ADGRG1: variants seen among roughly 807,000 people sequenced by gnomAD.
ADGRG1 encodes the protein adhesion G protein-coupled receptor G1.
ADGRG1 carries 53 observed loss-of-function variants against 73.5 expected under a neutral mutation model. That is an observed-to-expected ratio of 0.72 (90% CI 0.58 to 0.91). The LOEUF (loss-of-function observed/expected upper bound fraction) is 0.91, where lower values mean the gene tolerates loss of function less well. ADGRG1 is among the 40% of genes least tolerant of loss of function. The probability of loss-of-function intolerance (pLI) is 0.00; values close to 1 mark genes in which losing one functional copy is unlikely to be tolerated. For missense variants in ADGRG1, 795 were observed against 871.8 expected, an observed-to-expected ratio of 0.91 and a Z score of 1.11; for synonymous variants, 394 against 374.4, an observed-to-expected ratio of 1.05 and a Z score of -0.60.
chr16:57,644,749 C>T (rs1182686879), intron 1 of ADGRG1, among the ~76,000 whole-genome samples: 1 of 136,478 alleles, frequency 7.3e-6, no homozygotes, highest in Non-Finnish European at 1.6e-5. Flanking sequence ...CACACGTATG[C>T]ACGGGCACAC....
In ADGRG1 at chr16:57,631,799, C is replaced by T. The variant is rs2038012375; in HGVS notation, c.-36+2997C>T. 1.3e-5 allele frequency: 13 copies of T among 985,344 alleles called. No individual in the cohort carries two copies. In the South Asian group the frequency reaches 5.2e-4, roughly 39 times the overall value. 61.0% of individuals were successfully genotyped at this position (985,344 alleles called of 1,614,324 possible). A position where few individuals can be genotyped will look rare whatever the true frequency, so the allele number is the denominator to read the frequency against. ...TCCTGAGCCGTCACTTGGCTGAGAC[C>T]CTGCCCCTCCTCCTGTCTCTGGTGC... On this transcript the variant is annotated intron_variant, in intron 1 of 13. Coordinates refer to ENST00000562631, the MANE Select transcript of ADGRG1 (RefSeq NM_201525.4).
At chr16:57,623,669 C>G (rs968568373), upstream of ADGRG1, 2 of 380,688 alleles carry the variant, frequency 5.3e-6, no homozygotes, top group Admixed American at 1.3e-4. Context: ...GTGGGGGAGG[C>G]GGGCCTAGGG....
intron 1 of ADGRG1, chr16:57,631,729 T>C: frequency 2.1e-6 from 2 of 944,348 alleles, no homozygotes; most frequent in Non-Finnish European, 2.5e-6. Context: ...TCAAACCGGG[T>C]GGGGCGGGGC....
At chr16:57,636,387 G>T (rs1018905491) in intron 1 of ADGRG1, 28 of 985,366 alleles carry the variant, frequency 2.8e-5, no homozygotes, top group African/African-American at 2.4e-4. Flanking sequence ...ACTTCTCAGA[G>T]CCTTTATCGG....
rs112805221 is a variant in ADGRG1 at position 57,659,407 on chromosome 16, G to A, written c.1287-6G>A. 352 of 1,613,204 alleles carry A rather than the reference G, an allele frequency of 2.2e-4. 1 individual carries two copies. Among genetic ancestry groups the A allele is most frequent in the Middle Eastern group, 1.6e-3 (10 of 6,084 alleles). On this transcript the variant is annotated splice_polypyrimidine_tract_variant and splice_region_variant and intron_variant, in intron 10 of 13. Coordinates refer to ENST00000562631, the MANE Select transcript of ADGRG1 (RefSeq NM_201525.4). ...ACTGGCCCACCAGGGTGCCCCTGCC[G>A]TGCAGGAGGAAACCTCGGGACTACA...
chr16:57,620,435 C>T (rs544892883), upstream of ADGRG1, among the ~76,000 whole-genome samples: 8 of 152,290 alleles, frequency 5.3e-5, no homozygotes, highest in South Asian at 2.1e-4. Context: ...CACTGCAGGA[C>T]GCAGGGCAAG....
chr16:57,646,286 C>T (rs1439454459), intron 1 of ADGRG1: 3 of 728,136 alleles, frequency 4.1e-6, no homozygotes, highest in Non-Finnish European at 5.0e-6. Flanking sequence ...TGGGTCCCCA[C>T]TGCCCACCGT....
At chr16:57,620,595 G>C (rs2034598009), upstream of ADGRG1, among the ~76,000 whole-genome samples, 1 of 152,138 alleles carries the variant, frequency 6.6e-6, no homozygotes, top group Non-Finnish European at 1.5e-5. Flanking sequence ...TTTGACTTTT[G>C]ACTGGGGAGG....
chr16:57,656,229 A>G lies in ADGRG1; in HGVS notation c.1021A>G (p.Asn341Asp). The G allele has an allele frequency of 6.2e-7, 1 of 1,613,686 alleles. No homozygotes were observed. The highest frequency in any genetic ancestry group is 1.6e-4 in the Middle Eastern group (1 of 6,062). Reference sequence around the variant, plus strand: ...CTCTCCTTTCTTGTCCCTACAGAAGAATGTGACTCTGCAATGTGTGTTCTG... The same window carrying G: ...CTCTCCTTTCTTGTCCCTACAGAAGGATGTGACTCTGCAATGTGTGTTCTG... The part of the protein sequence containing the change: ...LTFQHQLQPK[N>D]VTLQCVFWVE... Residue 341 changes from asparagine to aspartate, a missense_variant, in exon 8 of 14, where the codon AAT becomes GAT. Asn to Asp is a conservative substitution (Grantham distance 23). Coordinates refer to ENST00000562631, the MANE Select transcript of ADGRG1 (RefSeq NM_201525.4).
intron 1 of ADGRG1, chr16:57,635,245 C>A (rs2039061550): frequency 2.3e-5 from 23 of 985,206 alleles, no homozygotes; most frequent in Non-Finnish European, 2.8e-5. Context: ...CTGGAAGAAA[C>A]CCTCGTGCAC....
upstream of ADGRG1, among the ~76,000 whole-genome samples, chr16:57,623,552 G>A (rs188716902): frequency 2.6e-5 from 4 of 152,356 alleles, no homozygotes; most frequent in East Asian, 7.7e-4. Flanking sequence ...TGGTCCTGAA[G>A]CACCACTAGA....
rs2047146179 is a variant in ADGRG1 at position 57,661,737 on chromosome 16, C to T, written c.1705C>T (p.Leu569=). Residue 569 remains leucine (L), a synonymous_variant, in exon 13 of 14, where the codon CTG becomes TTG. Transcript: ENST00000562631. The part of the protein sequence containing the change: ...RDSLVSYITN[L]GLFSLVFLFN... Reference sequence around the variant, plus strand: ...CTCCCTGGTCAGCTACATCACCAACCTGGGCCTCTTCAGCCTGGTGTTTCT... The same window carrying T: ...CTCCCTGGTCAGCTACATCACCAACTTGGGCCTCTTCAGCCTGGTGTTTCT... 1.9e-6 allele frequency: 3 copies of T among 1,614,180 alleles called. No homozygotes were observed. The highest frequency in any genetic ancestry group is 2.5e-6 in the Non-Finnish European group (3 of 1,180,026).
At chr16:57,659,120 CTT>C in intron 10 of ADGRG1, 2 of 985,278 alleles carry the variant, frequency 2.0e-6, no homozygotes, top group Non-Finnish European at 2.4e-6. Flanking sequence ...TCCGCTCTGA[CTT>C]TGAGAGTATC....
At chr16:57,622,872 G>A (rs1401234605), upstream of ADGRG1, 19 of 985,330 alleles carry the variant, frequency 1.9e-5, no homozygotes, top group Non-Finnish European at 2.2e-5. Context: ...TGGAGGCCCA[G>A]CCAGCCTGAA....
At position 57,653,249 on chromosome 16, in the gene ADGRG1, G is replaced by A. The variant is rs1156491756; in HGVS notation, c.534G>A (p.Glu178=). Residue 178 remains glutamate (E), a synonymous_variant, in exon 4 of 14, where the codon GAG becomes GAA. Transcript: ENST00000562631. ...ACAATGCCTCGGTGGACATGTGCGAGCTCAAAAGGGACCTCCAGCTGCTCA... is the reference window on the plus strand; with the variant it reads ...ACAATGCCTCGGTGGACATGTGCGAACTCAAAAGGGACCTCCAGCTGCTCA... ...AAHNASVDMC[E]LKRDLQLLSQ... The A allele has an allele frequency of 6.2e-7, 1 of 1,612,520 alleles. No individual in the cohort carries two copies. Among genetic ancestry groups the A allele is most frequent in the South Asian group, 1.1e-5 (1 of 91,072 alleles).
intron 3 of ADGRG1, chr16:57,652,797 A>G: frequency 3.7e-6 from 4 of 1,085,974 alleles, no homozygotes; most frequent in Non-Finnish European, 4.5e-6. Flanking sequence ...CGCCCACGCT[A>G]CCTGGGCAGA....
At chr16:57,659,769 ATCTC>A in intron 11 of ADGRG1, 88 bp downstream of exon 11, 1 of 1,411,294 alleles carries the variant, frequency 7.1e-7, no homozygotes, top group Non-Finnish European at 9.9e-7. Flanking sequence ...CTCTCCACCT[ATCTC>A]TCTGACTTCC....
chr16:57,656,014 A>C (rs371380903), intron 7 of ADGRG1, 22 bp downstream of exon 7: 1 of 1,613,938 alleles, frequency 6.2e-7, no homozygotes, highest in Non-Finnish European at 8.5e-7. Flanking sequence ...CCAGCCATCA[A>C]GAGAACAAGC....
intron 1 of ADGRG1, chr16:57,639,985 C>A: frequency 2.8e-6 from 1 of 352,584 alleles, no homozygotes; most frequent in Non-Finnish European, 4.0e-6. Flanking sequence ...GTGAGAGCTC[C>A]ACACCCGTCC....
Sources: allele counts gnomAD v4.1 joint callset (sites outside exome capture counted in the v4.1 genomes callset), GRCh38; gene constraint gnomAD v4.1.1; transcripts MANE v1.5; gene names NCBI Gene and HGNC (gene_info 2026-07-23, HGNC 2026-07-21).